The following DPH6 variants were observed in gnomAD, a reference collection of about 807,000 sequenced individuals.
DPH6 encodes diphthine--ammonia ligase.
A neutral mutation model predicts 38.2 loss-of-function variants in DPH6; 33 were observed. That is an observed-to-expected ratio of 0.86 (90% CI 0.65 to 1.15). The LOEUF (loss-of-function observed/expected upper bound fraction) is 1.15, where lower values mean the gene tolerates loss of function less well. Among genes scored for constraint, DPH6 ranks in the 50% most tolerant of loss-of-function variants. The pLI, the probability that DPH6 is intolerant of heterozygous loss-of-function variation, is 0.00. For synonymous variants in DPH6, 108 were observed against 103.0 expected (o/e 1.05, Z -0.30); for missense variants, 325 against 320.0 (o/e 1.02, Z -0.12).
intron 3 of DPH6, among the ~76,000 whole-genome samples, chr15:35,535,694 A>G (rs1332826679): frequency 3.9e-5 from 6 of 152,174 alleles, no homozygotes; most frequent in Admixed American, 3.9e-4. Context: ...AACAGTAAAG[A>G]AATTCTAAAG....
chr15:35,456,495 A>AT (rs1178375945), intron 3 of DPH6, among the ~76,000 whole-genome samples: 42 of 141,736 alleles, frequency 3.0e-4, no homozygotes, highest in East Asian at 5.9e-4. Context: ...ATTTATTATT[A>AT]TTTTTTTTTT....
chr15:35,449,254 T>C (rs1218736113), intron 5 of DPH6, among the ~76,000 whole-genome samples: 1 of 152,086 alleles, frequency 6.6e-6, no homozygotes, highest in African/African-American at 2.4e-5. Context: ...ATATTTTTGT[T>C]ACTGAGATGC....
chr15:35,371,837 T>C lies in DPH6; in HGVS notation c.*313A>G. The C allele has an allele frequency of 9.6e-7, 1 of 1,043,160 alleles. No homozygotes were observed. Among genetic ancestry groups the C allele is most frequent in the Non-Finnish European group, 1.2e-6 (1 of 868,078 alleles). 64.6% of individuals were successfully genotyped at this position (1,043,160 alleles called of 1,614,324 possible). A position where few individuals can be genotyped will look rare whatever the true frequency, so the allele number is the denominator to read the frequency against. ...GAAAGAGAGAAGGAGGAAAAGAAAC[T>C]AGTGTGATAAAAAAAGAAATGCTAC... On this transcript the variant is annotated 3_prime_UTR_variant, in exon 9 of 9. Transcript: ENST00000256538.
chr15:35,407,956 C>A (rs2053316751), intron 6 of DPH6, among the ~76,000 whole-genome samples: 1 of 151,918 alleles, frequency 6.6e-6, no homozygotes. Context: ...ATATGATTTA[C>A]ACTTTAAAAA....
intron 3 of DPH6, among the ~76,000 whole-genome samples, chr15:35,296,895 C>T (rs1409539441): frequency 8.0e-6 from 1 of 124,508 alleles, no homozygotes; most frequent in African/African-American, 4.5e-5. Context: ...AGCTCCGCTT[C>T]CCGGGTTCAC....
At chr15:35,401,414 G>C in intron 6 of DPH6, 1 of 767,460 alleles carries the variant, frequency 1.3e-6, no homozygotes, top group South Asian at 1.4e-5. Flanking sequence ...GGTTATGGAG[G>C]AAGCGGCCCT....
chr15:35,383,321 G>A (rs545073874), intron 6 of DPH6, among the ~76,000 whole-genome samples: 6 of 152,232 alleles, frequency 3.9e-5, no homozygotes, highest in East Asian at 1.9e-4. Context: ...TATTCAAGAG[G>A]AGACTTTAAA....
At position 35,410,860 on chromosome 15, in the gene DPH6, T is replaced by A. The variant is rs761263253; in HGVS notation, c.542A>T (p.Asp181Val). The change falls in exon 6 of 9, where the codon GAT becomes GTT. Residue 181 changes from aspartate (D) to valine (V), a missense_variant. Physicochemically the swap from Asp to Val is radical, Grantham distance 152. Coordinates refer to ENST00000256538, the MANE Select transcript of DPH6 (RefSeq NM_080650.4). ...DPDKHLGKTL[D>V]QMEPYLIELS... The stretch of plus-strand genomic sequence containing the variant: ...CTCTATGAGATAAGGCTCCATTTGA[T>A]CCAGGGTTTTCCCAAGATGCTTATC... 2.5e-6 allele frequency: 4 copies of A among 1,605,182 alleles called. No individual in the cohort carries two copies.
intron 3 of DPH6, among the ~76,000 whole-genome samples, chr15:35,525,723 C>A (rs1472688779): frequency 1.3e-5 from 2 of 152,032 alleles, no homozygotes; most frequent in Admixed American, 1.3e-4. Flanking sequence ...ACCTGTAGTC[C>A]CAGATATGCA....
intron 5 of DPH6, 28 bp from the exon 6 acceptor site, chr15:35,410,924 G>A (rs749067852): frequency 2.5e-6 from 4 of 1,591,804 alleles, no homozygotes; most frequent in South Asian, 2.3e-5. Context: ...ATTTTTTAAA[G>A]ATAACTATCA....
At chr15:35,152,848 C>T in the DPH6 span, among the ~76,000 whole-genome samples, 6 of 152,222 alleles carry the variant, frequency 3.9e-5, no homozygotes, top group East Asian at 1.9e-4. Flanking sequence ...AAATAACGGG[C>T]TTTGTTGTAC....
intron 3 of DPH6, among the ~76,000 whole-genome samples, chr15:35,243,212 C>T (rs993863176): frequency 7.0e-6 from 1 of 141,906 alleles, no homozygotes; most frequent in African/African-American, 2.6e-5. Context: ...ACAATATCAC[C>T]CCTTACCACA....
At chr15:35,343,420 C>A (rs992811903) in intron 3 of DPH6, among the ~76,000 whole-genome samples, 3 of 151,970 alleles carry the variant, frequency 2.0e-5, no homozygotes, top group Admixed American at 6.6e-5. Context: ...TCACTTTATT[C>A]TTAAATAATC....
chr15:35,349,007 T>C (rs2052485764), intron 3 of DPH6, among the ~76,000 whole-genome samples: 1 of 152,216 alleles, frequency 6.6e-6, no homozygotes, highest in Non-Finnish European at 1.5e-5. Flanking sequence ...TTTTGTATCC[T>C]GAAATTTACG....
chr15:35,477,926 A>C (rs1700013218), intron 3 of DPH6, among the ~76,000 whole-genome samples: 1 of 151,938 alleles, frequency 6.6e-6, no homozygotes, highest in Non-Finnish European at 1.5e-5. Flanking sequence ...TCAATTTCCC[A>C]AGCTACTGCT....
intron 3 of DPH6, among the ~76,000 whole-genome samples, chr15:35,354,076 CTGTT>C (rs574121779): frequency 2.2e-4 from 33 of 152,210 alleles, no homozygotes; most frequent in African/African-American, 5.3e-4. Context: ...ATTTGGCTCT[CTGTT>C]TGTCTATTAT....
At chr15:35,199,659 C>G in the DPH6 span, among the ~76,000 whole-genome samples, 22,816 of 150,704 alleles carry the variant, frequency 0.15, 2,145 homozygotes, top group East Asian at 0.38. Context: ...AAATGTAAAT[C>G]AAAGATGACA....
At chr15:35,338,117 A>T (rs1267462771) in intron 3 of DPH6, among the ~76,000 whole-genome samples, 1 of 152,214 alleles carries the variant, frequency 6.6e-6, no homozygotes, top group Non-Finnish European at 1.5e-5. Flanking sequence ...GGACATAGGC[A>T]TGGGCAAGGA....
At chr15:35,385,594 T>C (rs2052940991) in intron 6 of DPH6, among the ~76,000 whole-genome samples, 1 of 151,856 alleles carries the variant, frequency 6.6e-6, no homozygotes, top group African/African-American at 2.4e-5. Flanking sequence ...GAGGGGAACA[T>C]CACACACCAG....
Sources: allele counts gnomAD v4.1 joint callset (sites outside exome capture counted in the v4.1 genomes callset), GRCh38; gene constraint gnomAD v4.1.1; transcripts MANE v1.5; gene names NCBI Gene and HGNC (gene_info 2026-07-23, HGNC 2026-07-21).